Variants in TMEM117 observed in about 807,000 individuals in gnomAD.
The protein encoded by TMEM117 is transmembrane protein 117.
A neutral mutation model predicts 52.4 loss-of-function variants in TMEM117; 27 were observed. The ratio of observed to expected loss-of-function variants is 0.51; its 90% confidence interval spans 0.38 to 0.71. The LOEUF (loss-of-function observed/expected upper bound fraction) is 0.71. Ranked by LOEUF, TMEM117 falls within the 30% of genes least tolerant of loss-of-function variation. TMEM117 has a pLI of 0.00. For synonymous variants in TMEM117, 215 were observed against 206.3 expected, an observed-to-expected ratio of 1.04 and a Z score of -0.36; for missense variants, 556 against 630.5, an observed-to-expected ratio of 0.88 and a Z score of 1.26.
intron 4 of TMEM117, among the ~76,000 whole-genome samples, chr12:44,148,133 A>C (rs998191426): frequency 6.6e-6 from 1 of 152,214 alleles, no homozygotes; most frequent in African/African-American, 2.4e-5. Context: ...CAAAGGCTTT[A>C]CCATAAAGTG....
chr12:43,827,900 AAC>A, the TMEM117 span, among the ~76,000 whole-genome samples: 1 of 152,218 alleles, frequency 6.6e-6, no homozygotes, highest in Non-Finnish European at 1.5e-5. Flanking sequence ...TAGAGATTTG[AAC>A]ACACAGACAC....
intron 6 of TMEM117, among the ~76,000 whole-genome samples, chr12:44,370,732 G>T (rs566704675): frequency 6.6e-6 from 1 of 152,114 alleles, no homozygotes; most frequent in East Asian, 1.9e-4. Flanking sequence ...TGGCCAGGGT[G>T]GTCTCGAACT....
chr12:44,358,963 G>A (rs150801913), intron 6 of TMEM117, among the ~76,000 whole-genome samples: 25 of 152,236 alleles, frequency 1.6e-4, no homozygotes, highest in African/African-American at 5.3e-4. Context: ...TTTTTATATA[G>A]CACCTTTCTC....
chr12:44,045,542 G>A (rs570358769), intron 3 of TMEM117, among the ~76,000 whole-genome samples: 12 of 152,166 alleles, frequency 7.9e-5, no homozygotes, highest in Admixed American at 6.5e-4. Context: ...CTCACTTTAC[G>A]GCTAAAGAAG....
chr12:44,263,879 A>G (rs1950348384), intron 5 of TMEM117: 2 of 152,340 alleles, frequency 1.3e-5, no homozygotes, highest in African/African-American at 4.8e-5. Context: ...ATAATCAAGA[A>G]TACTTTTAGT....
At chr12:44,095,179 A>G (rs753081900) in intron 3 of TMEM117, among the ~76,000 whole-genome samples, 3 of 152,230 alleles carry the variant, frequency 2.0e-5, no homozygotes, top group Admixed American at 6.6e-5. Context: ...CCCATGTACA[A>G]TGCATATTAC....
chr12:44,164,641 G>T (rs1948940305), intron 4 of TMEM117, among the ~76,000 whole-genome samples: 1 of 152,136 alleles, frequency 6.6e-6, no homozygotes, highest in East Asian at 1.9e-4. Context: ...AGGCTATGAA[G>T]ATTCTGTAAA....
At chr12:44,006,102 G>A (rs1946190995) in intron 3 of TMEM117, among the ~76,000 whole-genome samples, 1 of 152,086 alleles carries the variant, frequency 6.6e-6, no homozygotes, top group South Asian at 2.1e-4. Context: ...CTCCCTTTAG[G>A]CCCTGCAGCA....
intron 3 of TMEM117, among the ~76,000 whole-genome samples, chr12:44,044,506 T>C (rs972227638): frequency 1.3e-5 from 2 of 152,164 alleles, no homozygotes; most frequent in Admixed American, 1.3e-4. Flanking sequence ...AAGTGGTATA[T>C]ACGTGATAGG....
intron 3 of TMEM117, among the ~76,000 whole-genome samples, chr12:44,060,714 A>G (rs1947126361): frequency 6.6e-6 from 1 of 152,222 alleles, no homozygotes; most frequent in South Asian, 2.1e-4. Context: ...TCACAAAAGC[A>G]TGGGAGGAAG....
At chr12:44,170,004 T>C (rs889235418) in intron 4 of TMEM117, among the ~76,000 whole-genome samples, 4 of 152,116 alleles carry the variant, frequency 2.6e-5, no homozygotes, top group African/African-American at 9.7e-5. Context: ...CGTATGTTTA[T>C]TGCAGCACTA....
At chr12:44,089,956 C>G (rs556589261) in intron 3 of TMEM117, among the ~76,000 whole-genome samples, 2 of 152,082 alleles carry the variant, frequency 1.3e-5, no homozygotes, top group East Asian at 3.9e-4. Context: ...TTTTGCCAAC[C>G]CATCTTCTAG....
At chr12:43,804,453 A>G in the TMEM117 span, 1 of 1,259,052 alleles carries the variant, frequency 7.9e-7, no homozygotes, top group South Asian at 1.3e-5. Flanking sequence ...TACAACAGCC[A>G]CTAATCCAGG....
chr12:44,224,265 C>G (rs758634158), intron 5 of TMEM117, among the ~76,000 whole-genome samples: 12 of 152,080 alleles, frequency 7.9e-5, no homozygotes, highest in Non-Finnish European at 1.8e-4. Context: ...CATGCAAGAC[C>G]ATCTTTTATC....
In TMEM117 at chr12:43,907,235, G is replaced by C. The variant is rs570202065; in HGVS notation, c.278-36975G>C. On this transcript the variant is annotated intron_variant, in intron 2 of 7. Coordinates refer to ENST00000266534, the MANE Select transcript of TMEM117 (RefSeq NM_032256.3). ...TGGGAGGCACCCCCCGGCAGGAGCA[G>C]ACTGACACCTCACACGGCCGGGTAC... Among the ~76,000 whole-genome samples the C allele has an allele frequency of 3.3e-3, 491 of 150,298 alleles. 1 individual carries two copies. The highest frequency in any genetic ancestry group is 6.9e-3 in the Middle Eastern group (2 of 290).
intron 5 of TMEM117, among the ~76,000 whole-genome samples, chr12:44,217,777 T>A (rs1949736872): frequency 6.6e-6 from 1 of 152,182 alleles, no homozygotes; most frequent in East Asian, 1.9e-4. Context: ...TGGACAAAGC[T>A]TTGCTATTAA....
intron 4 of TMEM117, among the ~76,000 whole-genome samples, chr12:44,183,772 G>A (rs1490165924): frequency 6.6e-6 from 1 of 152,072 alleles, no homozygotes; most frequent in Non-Finnish European, 1.5e-5. Context: ...GTTCGGCCTG[G>A]GTGTATCACA....
At chr12:43,809,653 T>C in the TMEM117 span, among the ~76,000 whole-genome samples, 1 of 152,204 alleles carries the variant, frequency 6.6e-6, no homozygotes, top group Non-Finnish European at 1.5e-5. Flanking sequence ...TGATTTCTTA[T>C]ATAGGTTCAT....
At chr12:43,931,841 T>A (rs976833131) in intron 2 of TMEM117, among the ~76,000 whole-genome samples, 5 of 152,222 alleles carry the variant, frequency 3.3e-5, no homozygotes, top group Non-Finnish European at 7.4e-5. Context: ...TAAGGACAAC[T>A]TTACATTCTT....
Sources: allele counts gnomAD v4.1 joint callset (sites outside exome capture counted in the v4.1 genomes callset), GRCh38; gene constraint gnomAD v4.1.1; transcripts MANE v1.5; gene names NCBI Gene and HGNC (gene_info 2026-07-23, HGNC 2026-07-21).